CDK8: variants seen among roughly 807,000 people sequenced by gnomAD.
CDK8 encodes the protein cyclin-dependent kinase 8.
CDK8 carries 29 observed loss-of-function variants against 71.5 expected under a neutral mutation model. The observed-to-expected ratio is 0.41, with a 90% confidence interval of 0.30 to 0.55. The LOEUF is 0.55. Ranked by LOEUF, CDK8 falls within the 20% of genes least tolerant of loss-of-function variation. CDK8 has a pLI of 0.37. For missense variants in CDK8, 288 were observed against 572.6 expected, an observed-to-expected ratio of 0.50 and a Z score of 5.07; for synonymous variants, 161 against 192.1, an observed-to-expected ratio of 0.84 and a Z score of 1.34.
chr13:26,361,166 CTTTAT>C (rs1874121204), intron 4 of CDK8, among the ~76,000 whole-genome samples: 1 of 152,254 alleles, frequency 6.6e-6, no homozygotes, highest in East Asian at 1.9e-4. Context: ...ACATCCCTCA[CTTTAT>C]TCAAAAACAT....
At chr13:26,372,012 G>A (rs762027309) in intron 4 of CDK8, among the ~76,000 whole-genome samples, 13 of 152,208 alleles carry the variant, frequency 8.5e-5, no homozygotes, top group African/African-American at 9.6e-5. Flanking sequence ...AATAGGTTAC[G>A]TGGCATTTAG....
chr13:26,386,362 G>T (rs1875476511), intron 6 of CDK8, among the ~76,000 whole-genome samples: 1 of 152,020 alleles, frequency 6.6e-6, no homozygotes, highest in Admixed American at 6.6e-5. Flanking sequence ...TAGTTTTTTT[G>T]TGTGTGCTTT....
At chr13:26,309,262 C>T (rs901909578) in intron 1 of CDK8, among the ~76,000 whole-genome samples, 1 of 151,990 alleles carries the variant, frequency 6.6e-6, no homozygotes, top group Non-Finnish European at 1.5e-5. Flanking sequence ...GCCTCAGCCT[C>T]CCGAGTAGCT....
At chr13:26,333,442 T>TA in intron 1 of CDK8, among the ~76,000 whole-genome samples, 1 of 152,282 alleles carries the variant, frequency 6.6e-6, no homozygotes, top group South Asian at 2.1e-4. Context: ...ACCCGGCTGA[T>TA]ATGCTGTATT....
At chr13:26,328,821 T>C (rs1385416486) in intron 1 of CDK8, among the ~76,000 whole-genome samples, 1 of 152,220 alleles carries the variant, frequency 6.6e-6, no homozygotes, top group Non-Finnish European at 1.5e-5. Context: ...ATTGCTTGAA[T>C]TGCTCCTCCA....
At chr13:26,351,311 C>G (rs1873669661) in intron 3 of CDK8, among the ~76,000 whole-genome samples, 1 of 152,032 alleles carries the variant, frequency 6.6e-6, no homozygotes. Context: ...TTTTATGAAA[C>G]TCTTTCCAAA....
At chr13:26,386,830 A>C (rs1875501058) in intron 6 of CDK8, among the ~76,000 whole-genome samples, 1 of 152,178 alleles carries the variant, frequency 6.6e-6, no homozygotes, top group Admixed American at 6.5e-5. Context: ...TCTTGTTCCC[A>C]GTCATTGGTA....
intron 1 of CDK8, among the ~76,000 whole-genome samples, chr13:26,256,013 C>T (rs138894719): frequency 1.2e-3 from 177 of 152,248 alleles, no homozygotes; most frequent in African/African-American, 4.0e-3. Flanking sequence ...AAATGTCTTT[C>T]TAAAAGTATT....
At chr13:26,264,364 C>T (rs1871927894) in intron 1 of CDK8, among the ~76,000 whole-genome samples, 1 of 152,028 alleles carries the variant, frequency 6.6e-6, no homozygotes, top group African/African-American at 2.4e-5. Flanking sequence ...TGGCTCACTT[C>T]AGCCTTGAAT....
At chr13:26,373,553 A>G (rs1874790836) in intron 4 of CDK8, among the ~76,000 whole-genome samples, 1 of 152,206 alleles carries the variant, frequency 6.6e-6, no homozygotes, top group Non-Finnish European at 1.5e-5. Flanking sequence ...ACTAATTACA[A>G]ATTATAAAAT....
chr13:26,359,361 G>T (rs976744189), intron 4 of CDK8, among the ~76,000 whole-genome samples: 1 of 152,148 alleles, frequency 6.6e-6, no homozygotes, highest in South Asian at 2.1e-4. Context: ...TTTATGTTAC[G>T]TGTATTTTAC....
intron 4 of CDK8, among the ~76,000 whole-genome samples, chr13:26,360,130 A>G (rs1191225582): frequency 1.3e-5 from 2 of 152,158 alleles, no homozygotes; most frequent in Admixed American, 6.5e-5. Flanking sequence ...GTCAGTTAAT[A>G]TTTCTTTTAC....
chr13:26,373,986 C>T (rs1874814948), intron 4 of CDK8, among the ~76,000 whole-genome samples: 1 of 142,814 alleles, frequency 7.0e-6, no homozygotes, highest in Middle Eastern at 3.8e-3. Flanking sequence ...TTGAGACCAT[C>T]CTGGCTAACA....
intron 1 of CDK8, among the ~76,000 whole-genome samples, chr13:26,330,236 GTCTC>G (rs1307616966): frequency 6.6e-6 from 1 of 152,114 alleles, no homozygotes; most frequent in African/African-American, 2.4e-5. Flanking sequence ...ATGAGACAGA[GTCTC>G]TGTCGCCTAG....
At chr13:26,288,906 T>C (rs1238501584) in intron 1 of CDK8, among the ~76,000 whole-genome samples, 2 of 151,752 alleles carry the variant, frequency 1.3e-5, no homozygotes, top group African/African-American at 4.8e-5. Flanking sequence ...CACGTGCCAC[T>C]GCACCTGGCT....
At chr13:26,389,413 G>A (rs1325277251) in intron 6 of CDK8, among the ~76,000 whole-genome samples, 1 of 151,998 alleles carries the variant, frequency 6.6e-6, no homozygotes, top group Non-Finnish European at 1.5e-5. Flanking sequence ...GCCTGCCTCG[G>A]CCTCCCAAAG....
intron 1 of CDK8, among the ~76,000 whole-genome samples, chr13:26,287,607 T>C (rs533549152): frequency 6.6e-6 from 1 of 152,224 alleles, no homozygotes; most frequent in East Asian, 1.9e-4. Flanking sequence ...AAAGACTACA[T>C]ATTGGGTACA....
chr13:26,385,427 T>A, intron 6 of CDK8, 85 bp downstream of exon 6: 1 of 1,100,830 alleles, frequency 9.1e-7, no homozygotes, highest in Non-Finnish European at 1.3e-6. Context: ...AATTAAGTAG[T>A]ATAGCAAATT....
At chr13:26,332,301 C>A (rs1872790420) in intron 1 of CDK8, among the ~76,000 whole-genome samples, 1 of 151,670 alleles carries the variant, frequency 6.6e-6, no homozygotes, top group Admixed American at 6.6e-5. Context: ...GCCTGACCAA[C>A]AAGTGAAACC....
Sources: gnomAD v4.1 joint callset for allele counts (sites outside exome capture counted in the v4.1 genomes callset) on GRCh38, gnomAD v4.1.1 for gene constraint, MANE v1.5 for transcripts, NCBI Gene and HGNC (gene_info 2026-07-23, HGNC 2026-07-21) for gene names.